The following ANO3 variants were observed in gnomAD, a reference collection of about 807,000 sequenced individuals.
ANO3 encodes anoctamin 3, also known as anoctamin-3.
A neutral mutation model predicts 144.8 loss-of-function variants in ANO3; 99 were observed. The observed-to-expected ratio is 0.68, with a 90% CI of 0.58 to 0.81. ANO3 has a LOEUF of 0.81. ANO3 is among the 30% of genes least tolerant of loss of function. The pLI is 0.00. For synonymous variants in ANO3, 414 were observed against 392.6 expected (o/e 1.05, Z -0.64); for missense variants, 905 against 1,202.2 (o/e 0.75, Z 3.66).
intron 11 of ANO3, among the ~76,000 whole-genome samples, chr11:26,546,092 A>C (rs991815983): frequency 3.3e-5 from 5 of 151,902 alleles, no homozygotes; most frequent in Non-Finnish European, 5.9e-5. Flanking sequence ...CCAAAATCAT[A>C]AAGGTCCTCT....
chr11:26,250,198 A>C (rs949418968), intron 1 of ANO3, among the ~76,000 whole-genome samples: 14 of 152,150 alleles, frequency 9.2e-5, no homozygotes, highest in African/African-American at 3.4e-4. Flanking sequence ...TAACCTCTGA[A>C]AATCTTCCTT....
At chr11:26,416,123 G>A (rs16915648) in intron 1 of ANO3, among the ~76,000 whole-genome samples, 24,267 of 151,926 alleles carry the variant, frequency 0.16, 2,124 homozygotes, top group South Asian at 0.3. Context: ...CTCCATAAGA[G>A]CATCTAAACT....
chr11:26,605,149 C>T (rs1237911865), intron 17 of ANO3, among the ~76,000 whole-genome samples: 1 of 152,104 alleles, frequency 6.6e-6, no homozygotes, highest in Non-Finnish European at 1.5e-5. Context: ...TATCGAAGGC[C>T]TTTTCTGCAT....
chr11:26,526,919 A>G (rs146959835), intron 7 of ANO3, among the ~76,000 whole-genome samples: 1,831 of 152,200 alleles, frequency 0.012, 34 homozygotes, highest in African/African-American at 0.037. Flanking sequence ...GAATATTACA[A>G]TTTGCAAGTT....
intron 17 of ANO3, among the ~76,000 whole-genome samples, chr11:26,610,100 G>A (rs1015937901): frequency 2.5e-4 from 38 of 151,892 alleles, no homozygotes; most frequent in Non-Finnish European, 3.5e-4. Flanking sequence ...TAGTAGAGGC[G>A]GGGTTTCTCC....
At chr11:26,394,570 C>CT (rs56118844) in intron 1 of ANO3, among the ~76,000 whole-genome samples, 17,345 of 115,872 alleles carry the variant, frequency 0.15, 1,172 homozygotes, top group South Asian at 0.26. Context: ...ATTTCATTTT[C>CT]TTTTTTTTTT....
At chr11:26,587,359 C>T (rs182782646) in intron 14 of ANO3, among the ~76,000 whole-genome samples, 4 of 152,310 alleles carry the variant, frequency 2.6e-5, no homozygotes, top group African/African-American at 7.2e-5. Flanking sequence ...CATTTACATA[C>T]CTGAGAGAAC....
intron 1 of ANO3, among the ~76,000 whole-genome samples, chr11:26,428,948 G>C (rs185094319): frequency 6.8e-4 from 104 of 152,174 alleles, no homozygotes; most frequent in Non-Finnish European, 1.4e-3. Flanking sequence ...GACACAGATA[G>C]ATTGCCTTAG....
chr11:26,416,616 G>A (rs1404753485), intron 1 of ANO3, among the ~76,000 whole-genome samples: 3 of 151,730 alleles, frequency 2.0e-5, no homozygotes, highest in Admixed American at 6.6e-5. Flanking sequence ...TAGTAGAGAT[G>A]GGGTTTCACC....
intron 1 of ANO3, among the ~76,000 whole-genome samples, chr11:26,321,415 A>G (rs1270424072): frequency 6.6e-6 from 1 of 152,044 alleles, no homozygotes; most frequent in African/African-American, 2.4e-5. Context: ...TTCCCCTGGA[A>G]AGTGTATTAT....
chr11:26,487,731 A>G (rs1860514474), intron 4 of ANO3, among the ~76,000 whole-genome samples: 2 of 152,322 alleles, frequency 1.3e-5, no homozygotes, highest in South Asian at 2.1e-4. Flanking sequence ...CTGTTACGTC[A>G]CCAAAGAGAC....
At chr11:26,275,513 G>A (rs928014476) in intron 1 of ANO3, among the ~76,000 whole-genome samples, 1 of 152,124 alleles carries the variant, frequency 6.6e-6, no homozygotes, top group African/African-American at 2.4e-5. Flanking sequence ...AAACACATCT[G>A]TAATTCAAAG....
intron 1 of ANO3, among the ~76,000 whole-genome samples, chr11:26,407,012 GTA>G (rs1284354704): frequency 9.3e-5 from 13 of 139,810 alleles, no homozygotes; most frequent in East Asian, 2.1e-4. Flanking sequence ...ATATAGGTGT[GTA>G]TATATATATA....
intron 1 of ANO3, among the ~76,000 whole-genome samples, chr11:26,326,529 C>A (rs1279098197): frequency 6.6e-6 from 1 of 152,068 alleles, no homozygotes; most frequent in Non-Finnish European, 1.5e-5. Context: ...AATATTCATG[C>A]ACACTCAACG....
At chr11:26,361,970 G>A (rs1855940248) in intron 1 of ANO3, among the ~76,000 whole-genome samples, 3 of 152,052 alleles carry the variant, frequency 2.0e-5, no homozygotes, top group Admixed American at 2.0e-4. Context: ...ATGGATTCAT[G>A]GATTCAGGGG....
At chr11:26,469,180 C>T (rs555950325) in intron 4 of ANO3, among the ~76,000 whole-genome samples, 1 of 151,984 alleles carries the variant, frequency 6.6e-6, no homozygotes, top group African/African-American at 2.4e-5. Flanking sequence ...TAGTTTGACC[C>T]TCGGAAACCT....
At position 26,304,125 on chromosome 11, in the gene ANO3, T is replaced by G. The variant is rs574701010; in HGVS notation, c.155-5520T>G. Among the ~76,000 whole-genome samples, 3 of 152,350 alleles carry G rather than the reference T, an allele frequency of 2.0e-5. No homozygotes were observed. The South Asian group carries it at 6.2e-4, about 32-fold the overall frequency. ...GGTATTATATTCTTGTTTTGATTCA[T>G]TTTCTTCGATTACTACTAAGGATTA... On this transcript the variant is annotated intron_variant, in intron 1 of 27. Coordinates refer to the ANO3 transcript ENST00000672621.
intron 1 of ANO3, among the ~76,000 whole-genome samples, chr11:26,293,309 T>C (rs1165412901): frequency 1.3e-5 from 2 of 151,786 alleles, no homozygotes; most frequent in South Asian, 2.1e-4. Context: ...TGAAAAAATA[T>C]ATAAATAGAA....
intron 1 of ANO3, among the ~76,000 whole-genome samples, chr11:26,385,902 T>TAAC (rs1491184264): frequency 6.6e-6 from 1 of 150,728 alleles, no homozygotes; most frequent in African/African-American, 2.5e-5. Flanking sequence ...TGTATATATA[T>TAAC]TTATATACAT....
Sources: gnomAD v4.1 joint callset for allele counts (sites outside exome capture counted in the v4.1 genomes callset) on GRCh38, gnomAD v4.1.1 for gene constraint, MANE v1.5 for transcripts, NCBI Gene and HGNC (gene_info 2026-07-23, HGNC 2026-07-21) for gene names.